The following PRDM16 variants were observed in gnomAD, a reference collection of about 807,000 sequenced individuals.
PRDM16 encodes PR/SET domain 16.
Under a neutral mutation model 110.6 loss-of-function variants are expected in PRDM16, and 23 were observed. The ratio of observed to expected loss-of-function variants is 0.21; its 90% CI spans 0.15 to 0.29. The LOEUF is 0.29. PRDM16 is among the 10% of genes least tolerant of loss of function. PRDM16 has a pLI of 1.00. For synonymous variants in PRDM16, 799 were observed against 781.8 expected (o/e 1.02, Z -0.37); for missense variants, 1,615 against 1,794.3 (o/e 0.90, Z 1.81).
chr1:3,151,231 C>T (rs1050803031), intron 1 of PRDM16, among the ~76,000 whole-genome samples: 1 of 152,322 alleles, frequency 6.6e-6, no homozygotes, highest in South Asian at 2.1e-4. Context: ...ACACTCTGTA[C>T]CCCCATCTGG....
intron 3 of PRDM16, among the ~76,000 whole-genome samples, chr1:3,351,411 C>T (rs988441502): frequency 2.0e-5 from 3 of 151,520 alleles, no homozygotes; most frequent in Admixed American, 6.6e-5. Flanking sequence ...ACCCAGAACC[C>T]GTCTCTATAG....
chr1:3,416,065 C>T (rs552235784), intron 10 of PRDM16, among the ~76,000 whole-genome samples: 1 of 152,344 alleles, frequency 6.6e-6, no homozygotes, highest in East Asian at 1.9e-4. Context: ...AGAAGCCTGA[C>T]CCCCACAGCC....
chr1:3,241,466 G>A (rs535463457), intron 2 of PRDM16, among the ~76,000 whole-genome samples: 1 of 152,290 alleles, frequency 6.6e-6, no homozygotes, highest in African/African-American at 2.4e-5. Context: ...CCACCACCCC[G>A]GGGCTGGCCA....
intron 2 of PRDM16, among the ~76,000 whole-genome samples, chr1:3,214,184 C>A (rs1638967109): frequency 6.6e-6 from 1 of 152,206 alleles, no homozygotes; most frequent in African/African-American, 2.4e-5. Context: ...CCTTTTCAGA[C>A]AGGCGTCTTT....
intron 2 of PRDM16, among the ~76,000 whole-genome samples, chr1:3,191,933 G>C (rs1391212703): frequency 6.6e-6 from 1 of 152,178 alleles, no homozygotes; most frequent in African/African-American, 2.4e-5. Context: ...AGCACTGGAG[G>C]GCCCCAAGTG....
chr1:3,430,692 G>A (rs978287420), intron 14 of PRDM16, among the ~76,000 whole-genome samples, 180 bp from the exon 15 acceptor site: 3 of 152,170 alleles, frequency 2.0e-5, no homozygotes, highest in East Asian at 1.9e-4. Flanking sequence ...CCAGGCCTCC[G>A]TGCCTCTCAC....
intron 3 of PRDM16, among the ~76,000 whole-genome samples, chr1:3,285,873 A>C (rs1318024091): frequency 6.6e-6 from 1 of 152,146 alleles, no homozygotes; most frequent in Non-Finnish European, 1.5e-5. Context: ...TGTGGTTTTC[A>C]TCTCTGCCGA....
intron 3 of PRDM16, among the ~76,000 whole-genome samples, chr1:3,357,664 C>T (rs1374115370): frequency 1.3e-5 from 2 of 151,914 alleles, no homozygotes; most frequent in African/African-American, 2.4e-5. Flanking sequence ...CCTGCCCAGT[C>T]GTCTACGCCC....
chr1:3,179,531 C>T (rs745821854), intron 1 of PRDM16, among the ~76,000 whole-genome samples: 4 of 152,234 alleles, frequency 2.6e-5, no homozygotes, highest in South Asian at 2.1e-4. Flanking sequence ...ACATCACATC[C>T]GTCCCAACAC....
intron 3 of PRDM16, among the ~76,000 whole-genome samples, chr1:3,333,402 G>A (rs1642082268): frequency 1.3e-5 from 2 of 152,210 alleles, no homozygotes; most frequent in Non-Finnish European, 2.9e-5. Flanking sequence ...CTGGCTGCAG[G>A]ATCTCAGAAT....
At position 3,411,752 on chromosome 1, in the gene PRDM16, C is replaced by T. The variant is rs758737732; in HGVS notation, c.1555C>T (p.Pro519Ser). 3.7e-5 allele frequency: 59 copies of T among 1,612,192 alleles called. 2 individuals are homozygous for T. In the South Asian group the frequency reaches 6.3e-4, roughly 17 times the overall value. Residue 519 changes from proline (P) to serine (S), a missense_variant, in exon 9 of 17, where the codon CCT becomes TCT. Physicochemically the swap from Pro to Ser is moderately conservative, Grantham distance 74. Around this residue, in one of 5 missense-constraint regions of PRDM16, gnomAD observed 772 missense variants for 748.3 expected, o/e 1.03. Transcript: ENST00000270722. ...CACCCCCGGCTTCCCGGGCATCTTC[C>T]CTCCATCCTTGTACCCCCGGCCGCC... Reference protein sequence around the residue: ...ALTPGFPGIFPPSLYPRPPLL... With the variant: ...ALTPGFPGIFSPSLYPRPPLL...
chr1:3,268,842 C>T (rs1188429155), intron 3 of PRDM16, among the ~76,000 whole-genome samples: 2 of 152,232 alleles, frequency 1.3e-5, no homozygotes, highest in African/African-American at 2.4e-5. Flanking sequence ...CCTGCCCCAC[C>T]GCATGCCTCA....
At chr1:3,212,755 C>T (rs1326502934) in intron 2 of PRDM16, among the ~76,000 whole-genome samples, 1 of 152,204 alleles carries the variant, frequency 6.6e-6, no homozygotes, top group East Asian at 1.9e-4. Flanking sequence ...CCTCTTGGTT[C>T]CCACCAGCAC....
rs2100806561 is a variant in PRDM16, at chr1:3,190,599, A to G, written c.387+4125A>G. ...GTGTGTGCCCCAGGGGTGTGTGGAAACGGCCCCCTGGGCTTCATCTCAGGG... is the reference window on the plus strand; with the variant it reads ...GTGTGTGCCCCAGGGGTGTGTGGAAGCGGCCCCCTGGGCTTCATCTCAGGG... On this transcript the variant is annotated intron_variant, in intron 2 of 16. Transcript: ENST00000270722. This position sits in a 1 kb window ranked among gnomAD's most constrained non-coding sequence, Gnocchi z 5.0. 6.6e-6 allele frequency among the ~76,000 whole-genome samples: 1 copy of G among 152,124 alleles called. No individual in the cohort carries two copies. Among genetic ancestry groups the G allele is most frequent in the African/African-American group, 2.4e-5 (1 of 41,510 alleles).
chr1:3,179,905 C>T (rs997870524), intron 1 of PRDM16, among the ~76,000 whole-genome samples: 4 of 152,104 alleles, frequency 2.6e-5, no homozygotes, highest in Admixed American at 1.3e-4. Flanking sequence ...GTTCCTATCA[C>T]GGTGGACCTT....
At chr1:3,101,280 G>C (rs966471333) in intron 1 of PRDM16, among the ~76,000 whole-genome samples, 1 of 152,208 alleles carries the variant, frequency 6.6e-6, no homozygotes, top group Non-Finnish European at 1.5e-5. Flanking sequence ...ACCAGCCATC[G>C]TGGGAAAAGC....
chr1:3,181,439 CA>C (rs1644179699), intron 1 of PRDM16, among the ~76,000 whole-genome samples: 1 of 40,424 alleles, frequency 2.5e-5, no homozygotes, highest in Non-Finnish European at 6.6e-5. Context: ...CTTACACAAG[CA>C]GTCTTACACG....
At position 3,265,869 on chromosome 1, in the gene PRDM16, C is replaced by T. The variant is rs527628948; in HGVS notation, c.438+21732C>T. ...TCCTTCGCTCTCTATGATCCCTTTA[C>T]GGTCGTGCAGTGCTCCCCAGGGCTC... On this transcript the variant is annotated intron_variant, in intron 3 of 16. Coordinates refer to ENST00000270722, the MANE Select transcript of PRDM16 (RefSeq NM_022114.4). The surrounding 1 kb of genome is among the most constrained non-coding windows in gnomAD (Gnocchi z 4.5). 1.8e-4 allele frequency among the ~76,000 whole-genome samples: 28 copies of T among 152,240 alleles called. No homozygotes were observed. Among genetic ancestry groups the T allele is most frequent in the African/African-American group, 6.5e-4 (27 of 41,526 alleles).
chr1:3,294,470 TC>T (rs1641043300), intron 3 of PRDM16, among the ~76,000 whole-genome samples: 1 of 151,722 alleles, frequency 6.6e-6, no homozygotes, highest in Non-Finnish European at 1.5e-5. Context: ...GCCTCTGACT[TC>T]CCCCCAGATC....
Sources: gnomAD v4.1 joint callset for allele counts (sites outside exome capture counted in the v4.1 genomes callset) on GRCh38, gnomAD v4.1.1 for gene constraint, gnomAD v4.1.1 regional missense constraint, Gnocchi (gnomAD v3.1) non-coding constraint, MANE v1.5 for transcripts, NCBI Gene and HGNC (gene_info 2026-07-23, HGNC 2026-07-21) for gene names.